Variants in CSTPP1 observed in about 807,000 individuals in gnomAD.
CSTPP1 encodes the protein UPF0705 protein C11orf49.
chr11:47,078,506 T>C, the CSTPP1 span, among the ~76,000 whole-genome samples: 1 of 152,106 alleles, frequency 6.6e-6, no homozygotes, highest in African/African-American at 2.4e-5. Flanking sequence ...AAGGAGTTAA[T>C]GGAGAAGGTA....
the CSTPP1 span, among the ~76,000 whole-genome samples, chr11:47,134,733 G>C: frequency 6.6e-6 from 1 of 152,136 alleles, no homozygotes; most frequent in African/African-American, 2.4e-5. Context: ...CAGGCACATG[G>C]GAATAGGAAG....
At chr11:47,042,948 A>G in the CSTPP1 span, among the ~76,000 whole-genome samples, 2 of 152,292 alleles carry the variant, frequency 1.3e-5, 1 homozygote, top group South Asian at 4.1e-4. Context: ...TTTCATACAC[A>G]TGGTAATGAT....
chr11:46,949,517 G>A, the CSTPP1 span, among the ~76,000 whole-genome samples: 1 of 152,032 alleles, frequency 6.6e-6, no homozygotes. Flanking sequence ...CCTGAACATA[G>A]GGACTGTTTT....
At chr11:47,057,509 C>A in the CSTPP1 span, among the ~76,000 whole-genome samples, 2 of 152,142 alleles carry the variant, frequency 1.3e-5, no homozygotes, top group South Asian at 4.1e-4. Context: ...ATGAGAAAAT[C>A]AGCATATCTG....
At chr11:47,048,893 T>G in the CSTPP1 span, among the ~76,000 whole-genome samples, 1 of 152,252 alleles carries the variant, frequency 6.6e-6, no homozygotes, top group Non-Finnish European at 1.5e-5. Flanking sequence ...TCTAGTCACA[T>G]TCTAAAAAAT....
the CSTPP1 span, among the ~76,000 whole-genome samples, chr11:46,954,841 T>G: frequency 6.6e-6 from 1 of 151,862 alleles, no homozygotes; most frequent in Non-Finnish European, 1.5e-5. Context: ...CTTTATTTAT[T>G]CATTGTATTT....
the CSTPP1 span, among the ~76,000 whole-genome samples, chr11:47,106,550 C>T: frequency 2.1e-3 from 314 of 150,680 alleles, 2 homozygotes; most frequent in Middle Eastern, 0.01. Context: ...AGCTGAGACA[C>T]AAAAATTGCT....
the CSTPP1 span, among the ~76,000 whole-genome samples, chr11:47,149,818 C>T: frequency 7.9e-5 from 12 of 152,052 alleles, no homozygotes; most frequent in Admixed American, 1.3e-4. Context: ...TAGTTCTGTC[C>T]ACCCTTGGGA....
chr11:47,038,885 G>A, the CSTPP1 span, among the ~76,000 whole-genome samples: 1 of 121,482 alleles, frequency 8.2e-6, no homozygotes, highest in East Asian at 2.3e-4. Context: ...GGGCAGAGAC[G>A]CTCCTCACAT....
At chr11:47,115,279 G>A in the CSTPP1 span, among the ~76,000 whole-genome samples, 74 of 152,202 alleles carry the variant, frequency 4.9e-4, no homozygotes, top group African/African-American at 1.7e-3. Context: ...AGGGATATTG[G>A]TCTAAAATTC....
chr11:47,156,388 C>T, the CSTPP1 span, among the ~76,000 whole-genome samples: 19 of 152,114 alleles, frequency 1.2e-4, no homozygotes, highest in South Asian at 3.9e-3. Context: ...TGTGTAGAGA[C>T]GAGATGGGCC....
At chr11:47,097,585 G>A in the CSTPP1 span, among the ~76,000 whole-genome samples, 1 of 89,264 alleles carries the variant, frequency 1.1e-5, no homozygotes. Flanking sequence ...GGGAGGTGGG[G>A]GGGTCAGCCC....
chr11:47,082,674 C>A, the CSTPP1 span, among the ~76,000 whole-genome samples: 2 of 152,154 alleles, frequency 1.3e-5, no homozygotes, highest in Non-Finnish European at 1.5e-5. Flanking sequence ...CAAGCCCCCT[C>A]TGCCAAGAAA....
the CSTPP1 span, among the ~76,000 whole-genome samples, chr11:47,125,926 A>G: frequency 6.6e-6 from 1 of 152,024 alleles, no homozygotes; most frequent in Non-Finnish European, 1.5e-5. Context: ...CTGAGGCATG[A>G]GAATTGCTTG....
the CSTPP1 span, among the ~76,000 whole-genome samples, chr11:47,157,390 C>T: frequency 6.6e-6 from 1 of 152,314 alleles, no homozygotes; most frequent in East Asian, 1.9e-4. Context: ...GAAAGGCTCT[C>T]AATTAGCTCA....
chr11:47,153,553 T>A, the CSTPP1 span, among the ~76,000 whole-genome samples: 1 of 152,214 alleles, frequency 6.6e-6, no homozygotes, highest in African/African-American at 2.4e-5. Flanking sequence ...GCTGTGTGTG[T>A]GACTTTGGCA....
the CSTPP1 span, chr11:47,154,931 G>C: frequency 1.8e-6 from 1 of 563,848 alleles, no homozygotes; most frequent in Non-Finnish European, 3.2e-6. Flanking sequence ...CCCGCTCTGG[G>C]TACAGTGTGG....
the CSTPP1 span, among the ~76,000 whole-genome samples, chr11:46,994,554 T>C: frequency 6.6e-6 from 1 of 152,206 alleles, no homozygotes; most frequent in African/African-American, 2.4e-5. Flanking sequence ...TTGTCTTTGG[T>C]TCTGTTTATA....
chr11:47,103,700 AG>A, the CSTPP1 span: 3 of 111,192 alleles, frequency 2.7e-5, no homozygotes, highest in Admixed American at 1.3e-4. Flanking sequence ...TTTTTGAGAC[AG>A]GGTCTCACTC....
Sources: gnomAD v4.1 joint callset for allele counts (sites outside exome capture counted in the v4.1 genomes callset) on GRCh38, gnomAD v4.1.1 for gene constraint, MANE v1.5 for transcripts, NCBI Gene and HGNC (gene_info 2026-07-23, HGNC 2026-07-21) for gene names.